The following FBXL17 variants were observed in gnomAD, a reference collection of about 807,000 sequenced individuals.
FBXL17 encodes the protein F-box and leucine rich repeat protein 17, also known as F-box/LRR-repeat protein 17.
FBXL17 carries 22 observed loss-of-function variants against 66.2 expected under a neutral mutation model. That is an observed-to-expected ratio of 0.33 (90% CI 0.24 to 0.47). The LOEUF (loss-of-function observed/expected upper bound fraction) is 0.47. Ranked by LOEUF, FBXL17 falls within the 20% of genes least tolerant of loss-of-function variation. The pLI is 1.00. For missense variants in FBXL17, 878 were observed against 948.2 expected (o/e 0.93, Z 0.97); for synonymous variants, 474 against 400.5 (o/e 1.18, Z -2.19).
At chr5:108,196,617 T>A (rs1296332432) in intron 5 of FBXL17, among the ~76,000 whole-genome samples, 1 of 152,194 alleles carries the variant, frequency 6.6e-6, no homozygotes, top group Admixed American at 6.6e-5. Context: ...ACTGAATGAG[T>A]AAATTTGAAA....
intron 1 of FBXL17, among the ~76,000 whole-genome samples, chr5:108,378,505 C>CAA (rs397978690): frequency 6.6e-6 from 1 of 151,114 alleles, no homozygotes; most frequent in African/African-American, 2.4e-5. Flanking sequence ...CTCTACGCAA[C>CAA]CCTTCTAATA....
At chr5:108,010,454 C>G (rs1754131909) in intron 7 of FBXL17, among the ~76,000 whole-genome samples, 1 of 152,046 alleles carries the variant, frequency 6.6e-6, no homozygotes, top group Non-Finnish European at 1.5e-5. Context: ...TGCTTTAAAA[C>G]CTGTGTGGAG....
intron 6 of FBXL17, among the ~76,000 whole-genome samples, chr5:108,128,960 T>G (rs1750821513): frequency 6.6e-6 from 1 of 152,148 alleles, no homozygotes; most frequent in Non-Finnish European, 1.5e-5. Flanking sequence ...GGAATTCACT[T>G]CCCTAACTAT....
At chr5:108,368,185 C>T (rs1208220698) in intron 1 of FBXL17, among the ~76,000 whole-genome samples, 2 of 151,136 alleles carry the variant, frequency 1.3e-5, no homozygotes, top group African/African-American at 4.9e-5. Context: ...AGAGAACAGG[C>T]ATGTACTGAC....
At chr5:107,894,335 A>G (rs186339230) in intron 7 of FBXL17, among the ~76,000 whole-genome samples, 56 of 152,220 alleles carry the variant, frequency 3.7e-4, no homozygotes, top group Admixed American at 1.3e-4. Context: ...TCTGATAAAG[A>G]AACTAAATCA....
chr5:107,896,959 T>C (rs1413198164), intron 7 of FBXL17, among the ~76,000 whole-genome samples: 1 of 152,014 alleles, frequency 6.6e-6, no homozygotes, highest in African/African-American at 2.4e-5. Flanking sequence ...GACTTTAGTA[T>C]AATTTAAGAA....
chr5:108,058,309 C>A (rs1413929970), intron 6 of FBXL17, among the ~76,000 whole-genome samples: 1 of 152,158 alleles, frequency 6.6e-6, no homozygotes, highest in African/African-American at 2.4e-5. Context: ...AAGTTCCTTT[C>A]TCGAAGAGGA....
At chr5:108,305,962 C>G (rs1238425699) in intron 4 of FBXL17, among the ~76,000 whole-genome samples, 1 of 152,026 alleles carries the variant, frequency 6.6e-6, no homozygotes. Context: ...AAATTTATAT[C>G]AAAACCCATT....
chr5:107,878,815 T>C (rs1388367949), intron 8 of FBXL17: 59 of 985,382 alleles, frequency 6.0e-5, no homozygotes, highest in Non-Finnish European at 6.3e-5. Context: ...GGCTCTGAGC[T>C]GCTTTAAGTC....
chr5:108,269,798 T>A (rs1326522450), intron 4 of FBXL17, among the ~76,000 whole-genome samples: 1 of 152,072 alleles, frequency 6.6e-6, no homozygotes, highest in Non-Finnish European at 1.5e-5. Context: ...TATTCAATAA[T>A]AAAGAAAATT....
chr5:107,929,849 G>A (rs1750670961), intron 7 of FBXL17, among the ~76,000 whole-genome samples: 7 of 151,710 alleles, frequency 4.6e-5, no homozygotes, highest in Admixed American at 4.6e-4. Flanking sequence ...GAAGAGATGG[G>A]AGCTAGCAAT....
intron 7 of FBXL17, among the ~76,000 whole-genome samples, chr5:107,964,198 T>C (rs1039003050): frequency 3.3e-5 from 5 of 152,142 alleles, no homozygotes; most frequent in Non-Finnish European, 7.4e-5. Context: ...ATTTTCTTCA[T>C]CCAAATGGAT....
At chr5:108,104,307 G>GA (rs1412760127) in intron 6 of FBXL17, among the ~76,000 whole-genome samples, 1 of 152,174 alleles carries the variant, frequency 6.6e-6, no homozygotes, top group African/African-American at 2.4e-5. Context: ...AAAGTGCTGG[G>GA]ATTACAGGCA....
chr5:108,312,386 A>G (rs1759165492), intron 4 of FBXL17, among the ~76,000 whole-genome samples: 1 of 152,134 alleles, frequency 6.6e-6, no homozygotes, highest in Non-Finnish European at 1.5e-5. Context: ...TTCTAAACTT[A>G]CATATCCTGA....
intron 5 of FBXL17, among the ~76,000 whole-genome samples, chr5:108,217,696 T>C: frequency 6.6e-6 from 1 of 152,218 alleles, no homozygotes; most frequent in East Asian, 1.9e-4. Flanking sequence ...GTCTATAGTC[T>C]ATGATGTACT....
intron 4 of FBXL17, among the ~76,000 whole-genome samples, chr5:108,233,337 C>A (rs935015982): frequency 6.6e-6 from 1 of 152,092 alleles, no homozygotes; most frequent in African/African-American, 2.4e-5. Context: ...TTTGCCAGCA[C>A]CATTTGTTGA....
intron 6 of FBXL17, among the ~76,000 whole-genome samples, chr5:108,059,477 C>A (rs1011967037): frequency 3.3e-5 from 5 of 152,160 alleles, no homozygotes; most frequent in African/African-American, 9.7e-5. Context: ...AATGGTGCCT[C>A]AGCAGGATGG....
chr5:108,095,782 C>T (rs1256112619), intron 6 of FBXL17, among the ~76,000 whole-genome samples: 2 of 152,002 alleles, frequency 1.3e-5, no homozygotes, highest in South Asian at 2.1e-4. Flanking sequence ...TTCAACAGAA[C>T]AAAATGACAC....
chr5:107,905,265 C>A (rs1369921392), intron 7 of FBXL17, among the ~76,000 whole-genome samples: 1 of 151,894 alleles, frequency 6.6e-6, no homozygotes, highest in African/African-American at 2.4e-5. Flanking sequence ...AACACAAAAC[C>A]AATTCCTCTT....
Sources: allele counts gnomAD v4.1 joint callset (sites outside exome capture counted in the v4.1 genomes callset), GRCh38; gene constraint gnomAD v4.1.1; transcripts MANE v1.5; gene names NCBI Gene and HGNC (gene_info 2026-07-23, HGNC 2026-07-21).